TMEM175: variants seen among roughly 807,000 people sequenced by gnomAD.
TMEM175 encodes transmembrane protein 175.
A neutral mutation model predicts 36.5 loss-of-function variants in TMEM175; 36 were observed. The ratio of observed to expected loss-of-function variants is 0.99; its 90% CI spans 0.76 to 1.30. The LOEUF (loss-of-function observed/expected upper bound fraction) is 1.30. TMEM175 is among the 50% of genes most tolerant of loss of function. TMEM175 has a pLI of 0.00. For synonymous variants in TMEM175, 339 were observed against 313.4 expected, an observed-to-expected ratio of 1.08 and a Z score of -0.86; for missense variants, 705 against 692.8, an observed-to-expected ratio of 1.02 and a Z score of -0.20.
In TMEM175 at chr4:958,547, G is replaced by A; in HGVS notation, c.*51G>A. ...TCCTCACCAGAGATGGACCAGGGAGGACAGGATGCTGGGCAGGGGAAGCCA... is the reference window on the plus strand; with the variant it reads ...TCCTCACCAGAGATGGACCAGGGAGAACAGGATGCTGGGCAGGGGAAGCCA... On this transcript the variant is annotated 3_prime_UTR_variant, in exon 11 of 11. Coordinates refer to ENST00000264771, the MANE Select transcript of TMEM175 (RefSeq NM_032326.4). The A allele has an allele frequency of 7.1e-7, 1 of 1,414,782 alleles. No homozygotes were observed. Among genetic ancestry groups the A allele is most frequent in the Non-Finnish European group, 9.3e-7 (1 of 1,074,324 alleles). The allele number at this position is 1,414,782 out of a possible 1,614,324, so 87.6% of individuals were successfully genotyped here.
intron 8 of TMEM175, among the ~76,000 whole-genome samples, chr4:954,226 A>T (rs1729331934): frequency 6.6e-6 from 1 of 151,978 alleles, no homozygotes; most frequent in Non-Finnish European, 1.5e-5. Flanking sequence ...TGACCTTGTG[A>T]TCCACCCACC....
intron 1 of TMEM175, among the ~76,000 whole-genome samples, chr4:936,233 T>G (rs528401399): frequency 6.6e-6 from 1 of 151,322 alleles, no homozygotes; most frequent in South Asian, 2.1e-4. Flanking sequence ...TAGTTCCGGC[T>G]ACTTGGGAGC....
intron 7 of TMEM175, among the ~76,000 whole-genome samples, chr4:952,828 A>G (rs980551188): frequency 1.3e-5 from 2 of 151,556 alleles, no homozygotes; most frequent in Admixed American, 6.6e-5. Flanking sequence ...TCACACAGGT[A>G]GGGTTCCTGA....
At chr4:955,580 G>A (rs758399826) in intron 9 of TMEM175, 97 bp downstream of exon 9, 144 of 1,450,790 alleles carry the variant, frequency 9.9e-5, no homozygotes, top group Non-Finnish European at 1.2e-4. Flanking sequence ...GCCGAGGCCC[G>A]TGTGCGTGGT....
At chr4:955,348 A>G in intron 8 of TMEM175, 57 bp from the exon 9 acceptor site, 1 of 1,375,554 alleles carries the variant, frequency 7.3e-7, no homozygotes, top group Non-Finnish European at 1.0e-6. Flanking sequence ...TTGTGTGGGT[A>G]AGGCCTGGCC....
chr4:948,535 C>T (rs1328652773), intron 3 of TMEM175: 5 of 1,367,148 alleles, frequency 3.7e-6, no homozygotes, highest in African/African-American at 1.5e-5. Context: ...AGGCCCCTTA[C>T]GTAGCTGCTC....
rs1383647383 is a variant in TMEM175 at position 953,161 on chromosome 4, C to T, written c.463-29C>T. The T allele has an allele frequency of 2.5e-6, 4 of 1,575,484 alleles. No homozygotes were observed. The South Asian group carries it at 3.5e-5, about 14-fold the overall frequency. On this transcript the variant is annotated intron_variant, in intron 7 of 10. Transcript: ENST00000264771. ...TGGGGGCCCCCTCTGCTCTTGGGGC[C>T]TGTGTCCTACAGCTTGCTTTTCCCG...
chr4:954,359 G>C (rs1196325746), intron 8 of TMEM175, among the ~76,000 whole-genome samples: 2 of 152,234 alleles, frequency 1.3e-5, no homozygotes, highest in African/African-American at 2.4e-5. Flanking sequence ...TTTGGAGGAG[G>C]AGCCCCTGGG....
chr4:949,760 GGGCAGGCTGC>G (rs1728633565), intron 3 of TMEM175, among the ~76,000 whole-genome samples: 1 of 152,078 alleles, frequency 6.6e-6, no homozygotes, highest in Non-Finnish European at 1.5e-5. Context: ...GCGGCCCCCA[GGGCAGGCTGC>G]CTTCGGGGTC....
At chr4:955,546 CTCCGCACTGAGGGCTG>C in intron 9 of TMEM175, 63 bp downstream of exon 9, 10 of 1,525,434 alleles carry the variant, frequency 6.6e-6, no homozygotes, top group Non-Finnish European at 9.0e-6. Flanking sequence ...CGTGCGGCTG[CTCCGCACTGAGGGCTG>C]TCCGTGGGCC....
At chr4:952,257 C>T in intron 6 of TMEM175, 110 bp from the exon 7 acceptor site, 1 of 959,890 alleles carries the variant, frequency 1.0e-6, no homozygotes, top group South Asian at 1.4e-5. Flanking sequence ...GGCCCCACCG[C>T]ATCTCCCAGC....
At chr4:941,716 G>A (rs894962815) in intron 1 of TMEM175, among the ~76,000 whole-genome samples, 2 of 152,154 alleles carry the variant, frequency 1.3e-5, no homozygotes, top group Non-Finnish European at 1.5e-5. Context: ...GATTACAGGA[G>A]TGAGCCACCG....
intron 1 of TMEM175, among the ~76,000 whole-genome samples, chr4:944,271 C>T (rs759558507): frequency 2.6e-5 from 4 of 152,106 alleles, no homozygotes; most frequent in South Asian, 4.1e-4. Flanking sequence ...CCAGCCTGGG[C>T]GACAGAGCAA....
At chr4:947,365 G>A (rs1229757557) in intron 1 of TMEM175, among the ~76,000 whole-genome samples, 1 of 152,174 alleles carries the variant, frequency 6.6e-6, no homozygotes, top group South Asian at 2.1e-4. Context: ...GGCCCCGCAG[G>A]GTGCTGTGTT....
chr4:955,787 G>A lies in TMEM175; in HGVS notation c.739G>A (p.Val247Ile), dbSNP rs1288119328. The change falls in exon 10 of 11, where the codon GTC becomes ATC. Residue 247 changes from valine (V) to isoleucine (I), a missense_variant. Transcript: ENST00000264771. The part of the protein sequence containing the change: ...HREPSAHPVE[V>I]FSFDLHEPLS... The stretch of plus-strand genomic sequence containing the variant: ...GGAGCCCTCGGCTCACCCAGTGGAA[G>A]TCTTCTCGTTTGACCTCCACGAGCC... 4 of 1,613,654 alleles carry A rather than the reference G, an allele frequency of 2.5e-6. No homozygotes were observed. The highest frequency in any genetic ancestry group is 3.4e-6 in the Non-Finnish European group (4 of 1,179,954).
chr4:950,278 C>A, intron 3 of TMEM175, 143 bp from the exon 4 acceptor site: 1 of 653,758 alleles, frequency 1.5e-6, no homozygotes, highest in Non-Finnish European at 2.8e-6. Context: ...AGGCCAGGAC[C>A]CTCCCAGGTG....
intron 1 of TMEM175, among the ~76,000 whole-genome samples, chr4:937,995 T>TAA (rs371319725): frequency 6.9e-6 from 1 of 145,030 alleles, no homozygotes; most frequent in Non-Finnish European, 1.5e-5. Context: ...ATTACTGATT[T>TAA]AAAAAAAAAA....
intron 4 of TMEM175, among the ~76,000 whole-genome samples, 166 bp downstream of exon 4, chr4:950,684 AGTGTGGATGGTGCAGTAGGCGGAG>A (rs1403010129): frequency 1.4e-5 from 2 of 141,928 alleles, no homozygotes; most frequent in Non-Finnish European, 1.5e-5. Flanking sequence ...GGCCTGGGAC[AGTGTGGATGGTGCAGTAGGCGGAG>A]GTGTGGACGG....
chr4:951,557 C>A, intron 5 of TMEM175, 125 bp from the exon 6 acceptor site: 1 of 1,278,022 alleles, frequency 7.8e-7, no homozygotes, highest in Non-Finnish European at 1.1e-6. Context: ...GGGCTGGACT[C>A]ACACTCGCTG....
Sources: allele counts gnomAD v4.1 joint callset (sites outside exome capture counted in the v4.1 genomes callset), GRCh38; gene constraint gnomAD v4.1.1; transcripts MANE v1.5; gene names NCBI Gene and HGNC (gene_info 2026-07-23, HGNC 2026-07-21).